Variants in NCKAP1L observed in about 807,000 individuals in gnomAD.
NCKAP1L encodes the protein NCK associated protein 1 like.
Under a neutral mutation model 139.2 loss-of-function variants are expected in NCKAP1L, and 53 were observed. The observed-to-expected ratio is 0.38, with a 90% CI of 0.31 to 0.48. NCKAP1L has a LOEUF of 0.48. NCKAP1L is among the 20% of genes least tolerant of loss of function. The pLI, the probability that NCKAP1L is intolerant of heterozygous loss-of-function variation, is 0.98. For missense variants in NCKAP1L, 1,151 were observed against 1,381.9 expected, an observed-to-expected ratio of 0.83 and a Z score of 2.65; for synonymous variants, 468 against 499.7, an observed-to-expected ratio of 0.94 and a Z score of 0.85.
At chr12:54,506,796 A>AAAAAAAAAAAAAAATAT in intron 3 of NCKAP1L, among the ~76,000 whole-genome samples, 1 of 50,606 alleles carries the variant, frequency 2.0e-5, no homozygotes, top group Admixed American at 3.4e-4. Context: ...AAAAAAAAAA[A>AAAAAAAAAAAAAAATAT]ATATATATAT....
rs764874202 is a variant in NCKAP1L at position 54,538,922 on chromosome 12, T to C, written c.3222T>C (p.Thr1074=). The stretch of plus-strand genomic sequence containing the variant: ...GCCTCTTGCAGCTGGGCCAGGAGAC[T>C]GACAAGCTTAAAACCAGAAATCGAG... ...SVSLLQLGQE[T]DKLKTRNRES... The change falls in exon 30 of 31, where the codon ACT becomes ACC. Residue 1074 remains threonine, a synonymous_variant. Transcript: ENST00000293373. 1.2e-6 allele frequency: 2 copies of C among 1,614,082 alleles called. No homozygotes were observed. Among genetic ancestry groups the C allele is most frequent in the Admixed American group, 1.7e-5 (1 of 60,020 alleles).
chr12:54,531,425 G>A (rs180958619), intron 23 of NCKAP1L, 66 bp from the exon 24 acceptor site: 2 of 1,597,506 alleles, frequency 1.3e-6, no homozygotes, highest in South Asian at 1.1e-5. Flanking sequence ...ATAGGAGACT[G>A]GGGGGGAAGA....
intron 20 of NCKAP1L, among the ~76,000 whole-genome samples, chr12:54,524,413 G>C (rs1957010867): frequency 6.6e-6 from 1 of 152,150 alleles, no homozygotes; most frequent in Non-Finnish European, 1.5e-5. Flanking sequence ...TGAGTGCAAA[G>C]CTCCTGACAT....
intron 9 of NCKAP1L, chr12:54,512,570 A>AT (rs1956896863): frequency 6.5e-6 from 1 of 154,820 alleles, no homozygotes; most frequent in Non-Finnish European, 1.4e-5. Context: ...GAAAAAAAAA[A>AT]GACAGTTACT....
At chr12:54,506,796 A>AAATATATATATATATATATATATATAT in intron 3 of NCKAP1L, among the ~76,000 whole-genome samples, 1 of 50,604 alleles carries the variant, frequency 2.0e-5, no homozygotes, top group Non-Finnish European at 3.0e-5. Flanking sequence ...AAAAAAAAAA[A>AAATATATATATATATATATATATATAT]ATATATATAT....
intron 9 of NCKAP1L, among the ~76,000 whole-genome samples, chr12:54,515,972 C>T (rs1232049346): frequency 1.3e-5 from 2 of 152,250 alleles, no homozygotes; most frequent in East Asian, 1.9e-4. Flanking sequence ...GCCATTAAAG[C>T]CCTATGTGAC....
In NCKAP1L at chr12:54,499,349, C is replaced by T; in HGVS notation, c.103-6C>T. On this transcript the variant is annotated splice_region_variant and splice_polypyrimidine_tract_variant and intron_variant, in intron 1 of 30. Coordinates refer to ENST00000293373, the MANE Select transcript of NCKAP1L (RefSeq NM_005337.5). ...GGGTTGAAATATATATGGTTTCTCT[C>T]TGCAGACTTGTTCAGACCCCAAATC... 6.7e-7 allele frequency: 1 copy of T among 1,498,010 alleles called. No individual in the cohort carries two copies. The highest frequency in any genetic ancestry group is 9.3e-7 in the Non-Finnish European group (1 of 1,074,130). The allele number at this position is 1,498,010 out of a possible 1,614,324, so 92.8% of individuals were successfully genotyped here.
At chr12:54,514,786 G>A (rs961043524) in intron 9 of NCKAP1L, among the ~76,000 whole-genome samples, 3 of 152,134 alleles carry the variant, frequency 2.0e-5, no homozygotes, top group Admixed American at 6.5e-5. Context: ...CAACAACTAA[G>A]TATTGTCATT....
At chr12:54,527,432 G>T (rs1957035312) in intron 21 of NCKAP1L, among the ~76,000 whole-genome samples, 1 of 152,196 alleles carries the variant, frequency 6.6e-6, no homozygotes, top group Non-Finnish European at 1.5e-5. Flanking sequence ...TGCCACATGG[G>T]CCAGGCAGAG....
intron 30 of NCKAP1L, 108 bp from the exon 31 acceptor site, chr12:54,542,467 T>C (rs993343908): frequency 2.5e-6 from 2 of 811,796 alleles, no homozygotes; most frequent in African/African-American, 1.7e-5. Context: ...CCCTGTTCAC[T>C]TGTAACTCTC....
chr12:54,521,199 C>G lies in NCKAP1L; in HGVS notation c.1839C>G (p.Val613=). Residue 613 remains valine (V), a synonymous_variant, in exon 18 of 31, where the codon GTC becomes GTG. Transcript: ENST00000293373. ...EELAKQTSNC[V]LEICAEQRNL... ...TGGCCAAGCAGACCAGCAATTGCGT[C>G]CTGGAGATCTGTGCTGAGCAGCGAA... is the stretch of plus-strand genomic sequence containing the variant. 1 of 1,614,122 alleles carries G rather than the reference C, an allele frequency of 6.2e-7. No individual in the cohort carries two copies. Among genetic ancestry groups the G allele is most frequent in the Non-Finnish European group, 8.5e-7 (1 of 1,180,006 alleles).
intron 29 of NCKAP1L, among the ~76,000 whole-genome samples, chr12:54,538,472 C>T (rs148462129): frequency 4.6e-5 from 7 of 152,166 alleles, no homozygotes; most frequent in Admixed American, 1.3e-4. Context: ...GAGAATACCA[C>T]GAGCAAGAGC....
In NCKAP1L at chr12:54,507,910, G is replaced by A. The variant is rs1275452018; in HGVS notation, c.363+1G>A. The stretch of plus-strand genomic sequence containing the variant: ...TGCCTGCCAGTGCCATTTTGATATC[G>A]TAAGAACCTTTGCAATTCTCTTCTA... On this transcript the variant is annotated splice_donor_variant, in intron 4 of 30. Coordinates refer to ENST00000293373, the MANE Select transcript of NCKAP1L (RefSeq NM_005337.5). LOFTEE classifies it high-confidence loss of function. The A allele has an allele frequency of 3.7e-6, 6 of 1,613,618 alleles. No individual in the cohort carries two copies. Among genetic ancestry groups the A allele is most frequent in the Non-Finnish European group, 5.1e-6 (6 of 1,179,626 alleles).
intron 3 of NCKAP1L, chr12:54,501,058 C>T (rs550233690): frequency 6.5e-6 from 1 of 153,002 alleles, no homozygotes; most frequent in Non-Finnish European, 1.5e-5. Flanking sequence ...AATAATGCAA[C>T]CATCTTTTCA....
intron 18 of NCKAP1L, among the ~76,000 whole-genome samples, chr12:54,522,501 T>C (rs1430786317): frequency 1.3e-5 from 2 of 152,246 alleles, no homozygotes; most frequent in South Asian, 4.1e-4. Context: ...GGCATTGCCA[T>C]TACTAGTGGA....
intron 29 of NCKAP1L, among the ~76,000 whole-genome samples, chr12:54,537,536 T>C (rs992101705): frequency 6.6e-6 from 1 of 152,204 alleles, no homozygotes; most frequent in African/African-American, 2.4e-5. Context: ...AATCTAGGCC[T>C]CTGTGTTTTT....
chr12:54,527,246 T>C (rs1304121869), intron 21 of NCKAP1L, among the ~76,000 whole-genome samples: 1 of 152,182 alleles, frequency 6.6e-6, no homozygotes, highest in Admixed American at 6.5e-5. Context: ...TCCTTTGACA[T>C]GTTAAGGAAT....
intron 26 of NCKAP1L, among the ~76,000 whole-genome samples, chr12:54,534,827 A>G (rs1957101464): frequency 6.6e-6 from 1 of 152,148 alleles, no homozygotes; most frequent in African/African-American, 2.4e-5. Flanking sequence ...GAAGATGACA[A>G]TAAACCAGAA....
At chr12:54,498,856 T>C (rs1956771933) in intron 1 of NCKAP1L, 1 of 980,096 alleles carries the variant, frequency 1.0e-6, no homozygotes, top group South Asian at 4.7e-5. Context: ...CGCTCTTAGA[T>C]ACTTGGCTTA....
Sources: gnomAD v4.1 joint callset for allele counts (sites outside exome capture counted in the v4.1 genomes callset) on GRCh38, gnomAD v4.1.1 for gene constraint, MANE v1.5 for transcripts, NCBI Gene and HGNC (gene_info 2026-07-23, HGNC 2026-07-21) for gene names.